Variants in CACNA1I observed in about 807,000 individuals in gnomAD.
CACNA1I encodes the protein calcium voltage-gated channel subunit alpha1 I, also known as voltage-dependent T-type calcium channel subunit alpha-1I.
In CACNA1I, 74 loss-of-function variants were observed where a neutral mutation model predicts 201.6. That is an observed-to-expected ratio of 0.37 (90% confidence interval 0.30 to 0.45). The LOEUF (loss-of-function observed/expected upper bound fraction) is 0.45, where lower values mean the gene tolerates loss of function less well. Ranked by LOEUF, CACNA1I falls within the 20% of genes least tolerant of loss-of-function variation. CACNA1I has a pLI of 1.00. For synonymous variants in CACNA1I, 1,431 were observed against 1,345.2 expected (o/e 1.06, Z -1.40); for missense variants, 2,346 against 3,138.1 (o/e 0.75, Z 6.03).
chr22:39,604,926 G>A (rs1933167853), intron 3 of CACNA1I, among the ~76,000 whole-genome samples: 1 of 152,000 alleles, frequency 6.6e-6, no homozygotes, highest in Admixed American at 6.6e-5. Context: ...CTATGTGCTG[G>A]ATTTGGGAAC....
intron 1 of CACNA1I, among the ~76,000 whole-genome samples, chr22:39,594,746 AG>A: frequency 6.6e-6 from 1 of 151,452 alleles, no homozygotes. Flanking sequence ...TTTGAAATGG[AG>A]GGGTGAGGGG....
chr22:39,596,755 C>T lies in CACNA1I; in HGVS notation c.237-1396C>T, dbSNP rs569182963. 2.6e-5 allele frequency among the ~76,000 whole-genome samples: 4 copies of T among 152,090 alleles called. No individual in the cohort carries two copies. In the East Asian group the frequency reaches 7.8e-4, roughly 30 times the overall value. On this transcript the variant is annotated intron_variant, in intron 1 of 36. Coordinates refer to ENST00000402142, the MANE Select transcript of CACNA1I (RefSeq NM_021096.4). ...CAGACCCAGGGGGCCGATGGGGAGG[C>T]TCCTGGTCATCCGGTGGAGGACCTC...
At chr22:39,622,251 A>G (rs1200162438) in intron 4 of CACNA1I, among the ~76,000 whole-genome samples, 4 of 152,120 alleles carry the variant, frequency 2.6e-5, no homozygotes, top group African/African-American at 9.7e-5. Context: ...CCAGGACCAC[A>G]GAGCTATACA....
intron 7 of CACNA1I, among the ~76,000 whole-genome samples, chr22:39,644,749 G>A (rs1306088087): frequency 1.3e-5 from 2 of 151,534 alleles, no homozygotes; most frequent in Non-Finnish European, 2.9e-5. Flanking sequence ...GTGCTGTGGT[G>A]CAATCATAGC....
rs537439955 is a variant in CACNA1I, at chr22:39,583,728, G to GA, written c.236+12746dup. 5.9e-5 allele frequency among the ~76,000 whole-genome samples: 9 copies of GA among 152,312 alleles called. No individual in the cohort carries two copies. In the East Asian group the frequency reaches 1.3e-3, roughly 23 times the overall value. ...CATTCTACTGTCTGCTGAATGCCCA[G>GA]AAAAAACCCATATTGGGCACGATCA... On this transcript the variant is annotated intron_variant, in intron 1 of 36. Coordinates refer to ENST00000402142, the MANE Select transcript of CACNA1I (RefSeq NM_021096.4).
At chr22:39,615,693 C>T (rs940265172) in intron 3 of CACNA1I, among the ~76,000 whole-genome samples, 4 of 152,134 alleles carry the variant, frequency 2.6e-5, no homozygotes, top group African/African-American at 9.7e-5. Context: ...GAGAACTACA[C>T]GATTCTTCAC....
rs1934578774 is a variant in CACNA1I, at chr22:39,649,247, T to C, written c.1568-254T>C. ...GCCCTGCACCGTGCTGGGCCCATCA[T>C]GTGCCTTAAGGGAGAGAATCCTCCT... On this transcript the variant is annotated intron_variant, in intron 9 of 36. Coordinates refer to ENST00000402142, the MANE Select transcript of CACNA1I (RefSeq NM_021096.4). The surrounding 1 kb of genome is among the most constrained non-coding windows in gnomAD (Gnocchi z 7.3). 6.6e-6 allele frequency among the ~76,000 whole-genome samples: 1 copy of C among 152,306 alleles called. No homozygotes were observed. The highest frequency in any genetic ancestry group is 6.5e-5 in the Admixed American group (1 of 15,306).
At chr22:39,616,476 CTT>C (rs549878113) in intron 3 of CACNA1I, among the ~76,000 whole-genome samples, 2 of 152,260 alleles carry the variant, frequency 1.3e-5, no homozygotes, top group South Asian at 2.1e-4. Context: ...AGAAAACACT[CTT>C]TGTCGGCTGG....
Position 39,646,628 on chromosome 22 carries a change from G to T in CACNA1I, c.1209G>T (p.Glu403Asp). The T allele has an allele frequency of 1.3e-6, 2 of 1,573,326 alleles. No individual in the cohort carries two copies. The highest frequency in any genetic ancestry group is 8.6e-7 in the Non-Finnish European group (1 of 1,159,668). The change falls in exon 8 of 37, where the codon GAG becomes GAT. Residue 403 changes from glutamate to aspartate, a missense_variant. Around this residue, in one of 13 missense-constraint regions of CACNA1I, gnomAD observed 227 missense variants for 412.5 expected, o/e 0.55. Transcript: ENST00000402142. ...CLVVIATQFS[E>D]TKQREHRLML... ...TTGTCATAGCGACCCAGTTCTCGGAGACCAAGCAACGGGAGCACCGGCTGA... is the reference window on the plus strand; with the variant it reads ...TTGTCATAGCGACCCAGTTCTCGGATACCAAGCAACGGGAGCACCGGCTGA...
At chr22:39,622,610 TG>T (rs930070060) in intron 4 of CACNA1I, among the ~76,000 whole-genome samples, 1 of 5,722 alleles carries the variant, frequency 1.7e-4, no homozygotes, top group Admixed American at 1.8e-3. Flanking sequence ...GGGGGGGCGG[TG>T]GGGGGGGCAG....
chr22:39,588,526 C>T (rs1282397299), intron 1 of CACNA1I, among the ~76,000 whole-genome samples: 1 of 151,840 alleles, frequency 6.6e-6, no homozygotes, highest in African/African-American at 2.4e-5. Flanking sequence ...GCTGGGACTA[C>T]AGGCGCCCAC....
intron 3 of CACNA1I, among the ~76,000 whole-genome samples, chr22:39,618,983 G>T (rs1029513322): frequency 5.4e-4 from 82 of 152,284 alleles, no homozygotes; most frequent in African/African-American, 1.9e-3. Context: ...TGGAAGCTGG[G>T]GCTGACATGG....
At chr22:39,591,457 C>T (rs1021983191) in intron 1 of CACNA1I, among the ~76,000 whole-genome samples, 5 of 151,536 alleles carry the variant, frequency 3.3e-5, no homozygotes, top group East Asian at 1.9e-4. Flanking sequence ...CCACGGCACC[C>T]GGCCTGGCCT....
At chr22:39,618,785 A>T (rs938447970) in intron 3 of CACNA1I, among the ~76,000 whole-genome samples, 2 of 151,932 alleles carry the variant, frequency 1.3e-5, no homozygotes, top group Admixed American at 6.6e-5. Flanking sequence ...GTCGCCCTCA[A>T]ATGAGGTTTG....
In CACNA1I at chr22:39,685,742, G is replaced by A; in HGVS notation, c.6028-19G>A. On this transcript the variant is annotated intron_variant, in intron 36 of 36. Coordinates refer to ENST00000402142, the MANE Select transcript of CACNA1I (RefSeq NM_021096.4). The surrounding 1 kb of genome is among the most constrained non-coding windows in gnomAD (Gnocchi z 5.0). The stretch of plus-strand genomic sequence containing the variant: ...GGGGGCCGACACAGGCGGCCTCCAC[G>A]GCTCCCACCTCCCCCCAGGCCACCG... 7 of 1,440,428 alleles carry A rather than the reference G, an allele frequency of 4.9e-6. No individual in the cohort carries two copies. The highest frequency in any genetic ancestry group is 5.4e-6 in the Non-Finnish European group (6 of 1,106,522). 89.2% of individuals were successfully genotyped at this position (1,440,428 alleles called of 1,614,324 possible). A position where few individuals can be genotyped will look rare whatever the true frequency, so the allele number is the denominator to read the frequency against.
At chr22:39,635,531 C>A (rs992441023) in intron 5 of CACNA1I, among the ~76,000 whole-genome samples, 1 of 152,176 alleles carries the variant, frequency 6.6e-6, no homozygotes, top group Non-Finnish European at 1.5e-5. Context: ...GGTAGCAGAG[C>A]TGGAGGGTGA....
At chr22:39,664,622 C>A (rs934242333) in intron 20 of CACNA1I, 117 bp from the exon 21 acceptor site, 16 of 456,212 alleles carry the variant, frequency 3.5e-5, no homozygotes, top group African/African-American at 3.3e-4. Context: ...CAGGACCCCG[C>A]CCCCTCCCCG....
chr22:39,619,360 G>T lies in CACNA1I; in HGVS notation c.533G>T (p.Arg178Leu), dbSNP rs1459554349. ...DLQNINLSAI[R>L]TVRVLRPLKA... Reference sequence around the variant, plus strand: ...CAGAACATCAACCTGTCAGCCATCCGCACCGTGCGCGTCCTGAGGCCCCTC... The same window carrying T: ...CAGAACATCAACCTGTCAGCCATCCTCACCGTGCGCGTCCTGAGGCCCCTC... The change falls in exon 4 of 37, where the codon CGC becomes CTC. Residue 178 changes from arginine to leucine, a missense_variant. Around this residue, in one of 13 missense-constraint regions of CACNA1I, gnomAD observed 227 missense variants for 412.5 expected, o/e 0.55. Transcript: ENST00000402142. The T allele has an allele frequency of 1.2e-6, 2 of 1,609,684 alleles. No homozygotes were observed. Among genetic ancestry groups the T allele is most frequent in the Non-Finnish European group, 8.5e-7 (1 of 1,179,772 alleles).
chr22:39,646,422 G>C (rs112556733), intron 7 of CACNA1I, 147 bp from the exon 8 acceptor site: 1 of 1,288,220 alleles, frequency 7.8e-7, no homozygotes, highest in Non-Finnish European at 1.0e-6. Context: ...CCTCTGTACC[G>C]CCATCTCCAT....
Sources: gnomAD v4.1 joint callset for allele counts (sites outside exome capture counted in the v4.1 genomes callset) on GRCh38, gnomAD v4.1.1 for gene constraint, gnomAD v4.1.1 regional missense constraint, Gnocchi (gnomAD v3.1) non-coding constraint, MANE v1.5 for transcripts, NCBI Gene and HGNC (gene_info 2026-07-23, HGNC 2026-07-21) for gene names.